Variants in NBAS observed in about 807,000 individuals in gnomAD.
NBAS encodes NAG/BC035112 fusion.
Under a neutral mutation model 302.5 loss-of-function variants are expected in NBAS, and 219 were observed. The observed-to-expected ratio is 0.72, with a 90% CI of 0.65 to 0.81. The LOEUF is 0.81. Ranked by LOEUF, NBAS falls within the 30% of genes least tolerant of loss-of-function variation. The pLI, the probability that NBAS is intolerant of heterozygous loss-of-function variation, is 0.00. For synonymous variants in NBAS, 1,118 were observed against 1,021.6 expected, an observed-to-expected ratio of 1.09 and a Z score of -1.80; for missense variants, 2,932 against 2,841.6, an observed-to-expected ratio of 1.03 and a Z score of -0.72.
the NBAS span, among the ~76,000 whole-genome samples, chr2:15,132,198 G>T: frequency 6.6e-6 from 1 of 152,164 alleles, no homozygotes; most frequent in Non-Finnish European, 1.5e-5. Flanking sequence ...GTAGGTGAAT[G>T]GATAAATAAA....
chr2:15,018,082 A>C, the NBAS span, among the ~76,000 whole-genome samples: 1 of 152,034 alleles, frequency 6.6e-6, no homozygotes, highest in Non-Finnish European at 1.5e-5. Flanking sequence ...TAGAAACTTA[A>C]AAAAAGTGGA....
At chr2:15,241,463 A>G (rs1168783800) in intron 44 of NBAS, among the ~76,000 whole-genome samples, 2 of 152,182 alleles carry the variant, frequency 1.3e-5, no homozygotes, top group East Asian at 3.9e-4. Flanking sequence ...TCAACCAACC[A>G]TGGAATGAAT....
At chr2:15,258,946 A>G (rs1463668564) in intron 44 of NBAS, among the ~76,000 whole-genome samples, 1 of 152,122 alleles carries the variant, frequency 6.6e-6, no homozygotes, top group East Asian at 1.9e-4. Flanking sequence ...ACCTACCGAT[A>G]TGTGATGTCA....
At chr2:15,179,238 T>C in intron 50 of NBAS, 122 bp from the exon 51 acceptor site, 1 of 1,444,272 alleles carries the variant, frequency 6.9e-7, no homozygotes, top group Non-Finnish European at 9.6e-7. Flanking sequence ...TAAAGCCACA[T>C]ATGGTACCGC....
chr2:15,434,820 T>A (rs559947744), intron 21 of NBAS, among the ~76,000 whole-genome samples: 9 of 152,142 alleles, frequency 5.9e-5, no homozygotes, highest in Non-Finnish European at 1.3e-4. Context: ...AACCAAGGAT[T>A]GATGAGAATA....
At chr2:15,444,696 CT>C (rs1678628457) in intron 21 of NBAS, among the ~76,000 whole-genome samples, 1 of 151,364 alleles carries the variant, frequency 6.6e-6, no homozygotes, top group African/African-American at 2.4e-5. Flanking sequence ...GCAAAAGAAA[CT>C]ACCATCAGAG....
downstream of NBAS, among the ~76,000 whole-genome samples, chr2:15,162,196 C>T (rs781130200): frequency 6.6e-5 from 10 of 152,218 alleles, no homozygotes; most frequent in Non-Finnish European, 8.8e-5. Context: ...GCCCTGCCTC[C>T]GCAACAGGCG....
At chr2:14,856,181 T>C in the NBAS span, among the ~76,000 whole-genome samples, 24 of 152,174 alleles carry the variant, frequency 1.6e-4, no homozygotes, top group African/African-American at 5.8e-4. Flanking sequence ...CTCCCAGATC[T>C]TGTCCAAGAC....
intron 11 of NBAS, among the ~76,000 whole-genome samples, chr2:15,489,469 C>T (rs1181441871): frequency 4.0e-5 from 6 of 151,318 alleles, no homozygotes; most frequent in Admixed American, 6.6e-5. Flanking sequence ...ATTCATGCCA[C>T]GGAAAAGAAG....
At chr2:15,445,003 C>A (rs1467824492) in intron 21 of NBAS, among the ~76,000 whole-genome samples, 2 of 149,762 alleles carry the variant, frequency 1.3e-5, no homozygotes, top group Non-Finnish European at 3.0e-5. Context: ...AGTCAGGAAA[C>A]AACAGGTGCT....
the NBAS span, among the ~76,000 whole-genome samples, chr2:14,840,552 A>T: frequency 6.6e-6 from 1 of 152,076 alleles, no homozygotes; most frequent in African/African-American, 2.4e-5. Flanking sequence ...AATAACACAT[A>T]AAGGAGCTCC....
rs1272386097 is a variant in NBAS, at chr2:15,330,482, G to A, written c.4347+116C>T. 5 of 1,368,492 alleles carry A rather than the reference G, an allele frequency of 3.7e-6. No homozygotes were observed. In the East Asian group the frequency reaches 1.2e-4, roughly 33 times the overall value. The allele number at this position is 1,368,492 out of a possible 1,614,324, so 84.8% of individuals were successfully genotyped here. On this transcript the variant is annotated intron_variant, in intron 36 of 51. Transcript: ENST00000281513. ...GATGAGAGGCCTACATTTCTTAAGA[G>A]ATTGTTTTAACAATCTAGAGAAGAT...
rs1383884917 is a variant in NBAS, at chr2:15,536,458, C to G, written c.607G>C (p.Val203Leu). The G allele has an allele frequency of 3.7e-6, 6 of 1,613,360 alleles. No homozygotes were observed. The African/African-American group carries it at 8.0e-5, about 22-fold the overall frequency. The change falls in exon 8 of 52, where the codon GTC becomes CTC. Residue 203 changes from valine (V) to leucine (L), a missense_variant. By Grantham distance (32) the Val-to-Leu change is conservative. Coordinates refer to ENST00000281513, the MANE Select transcript of NBAS (RefSeq NM_015909.4). ...ASAQWSAELL[V>L]INYRGELRSY... ...CTAAGTTCTCCTCGGTAATTGATGA[C>G]CAGGAGTTCTGCAGACCACTGTGCA...
rs1674938338 is a variant in NBAS at position 15,379,725 on chromosome 2, G to T, written c.3467C>A (p.Ala1156Asp). ...ACSENPPAGIAHKGKPHYRVS... is the reference protein window; with the variant it reads ...ACSENPPAGIDHKGKPHYRVS... ...CCTGTAGTGGGGTTTCCCTTTATGG[G>T]CTATACCAGCTGGAGGATTTTCTGA... Residue 1156 changes from alanine (A) to aspartate (D), a missense_variant, in exon 30 of 52, where the codon GCC (alanine) becomes GAC (aspartate). Ala to Asp is a moderately radical substitution (Grantham distance 126). Coordinates refer to ENST00000281513, the MANE Select transcript of NBAS (RefSeq NM_015909.4). 2 of 1,613,900 alleles carry T rather than the reference G, an allele frequency of 1.2e-6. No homozygotes were observed. Among genetic ancestry groups the T allele is most frequent in the African/African-American group, 2.7e-5 (2 of 74,900 alleles).
At chr2:14,842,143 AT>A in the NBAS span, among the ~76,000 whole-genome samples, 2 of 151,966 alleles carry the variant, frequency 1.3e-5, no homozygotes, top group Non-Finnish European at 2.9e-5. Flanking sequence ...ACAAATTAAA[AT>A]GGAAATACAA....
chr2:14,939,708 T>G, the NBAS span, among the ~76,000 whole-genome samples: 1 of 152,238 alleles, frequency 6.6e-6, no homozygotes, highest in Admixed American at 6.5e-5. Flanking sequence ...GCTGAAGGAT[T>G]CCTCAATGGG....
chr2:14,948,760 C>T, the NBAS span, among the ~76,000 whole-genome samples: 1 of 151,754 alleles, frequency 6.6e-6, no homozygotes, highest in Non-Finnish European at 1.5e-5. Context: ...GTATACAGAA[C>T]CACAAGACTC....
chr2:15,105,825 C>T, the NBAS span, among the ~76,000 whole-genome samples: 1 of 152,154 alleles, frequency 6.6e-6, no homozygotes, highest in Non-Finnish European at 1.5e-5. Flanking sequence ...TCGTATTTCT[C>T]CCCTGGTCCT....
At chr2:14,874,098 G>T in the NBAS span, among the ~76,000 whole-genome samples, 2 of 152,208 alleles carry the variant, frequency 1.3e-5, no homozygotes, top group Admixed American at 1.3e-4. Flanking sequence ...CTAATATAGA[G>T]AATGAGTCAT....
Sources: gnomAD v4.1 joint callset for allele counts (sites outside exome capture counted in the v4.1 genomes callset) on GRCh38, gnomAD v4.1.1 for gene constraint, MANE v1.5 for transcripts, NCBI Gene and HGNC (gene_info 2026-07-23, HGNC 2026-07-21) for gene names.